The following POLD3 variants were observed in gnomAD, a reference collection of about 807,000 sequenced individuals.
POLD3 encodes DNA polymerase delta subunit 3.
A neutral mutation model predicts 58.2 loss-of-function variants in POLD3; 19 were observed. The ratio of observed to expected loss-of-function variants is 0.33; its 90% CI spans 0.23 to 0.48. The LOEUF (loss-of-function observed/expected upper bound fraction) is 0.48, where lower values mean the gene tolerates loss of function less well. POLD3 is among the 20% of genes least tolerant of loss of function. The pLI is 0.99. For missense variants in POLD3, 504 were observed against 545.5 expected, an observed-to-expected ratio of 0.92 and a Z score of 0.76; for synonymous variants, 172 against 193.5, an observed-to-expected ratio of 0.89 and a Z score of 0.92.
chr11:74,593,464 C>G (rs7939226), intron 1 of POLD3, among the ~76,000 whole-genome samples: 284 of 152,226 alleles, frequency 1.9e-3, no homozygotes, highest in African/African-American at 6.5e-3. Flanking sequence ...TGCAAGTCTT[C>G]TAACTATTGG....
At chr11:74,658,294 A>G (rs1204828011) in intron 4 of POLD3, among the ~76,000 whole-genome samples, 3 of 152,116 alleles carry the variant, frequency 2.0e-5, no homozygotes, top group African/African-American at 4.8e-5. Context: ...ACTGGCCCCC[A>G]TGATTCAATT....
In POLD3 at chr11:74,640,795, G is replaced by A; in HGVS notation, c.*29G>A. 1 of 1,540,352 alleles carries A rather than the reference G, an allele frequency of 6.5e-7. No individual in the cohort carries two copies. The highest frequency in any genetic ancestry group is 8.7e-7 in the Non-Finnish European group (1 of 1,147,972). ...GCCATCTCTGGTAGATCAGAGACTT[G>A]GAGTGGTCAAGGGAGAAGACCAAGA... On this transcript the variant is annotated 3_prime_UTR_variant, in exon 12 of 12. Transcript: ENST00000263681.
intron 9 of POLD3, among the ~76,000 whole-genome samples, chr11:74,631,985 A>G (rs1025761118): frequency 1.3e-5 from 2 of 151,978 alleles, no homozygotes; most frequent in Admixed American, 6.6e-5. Context: ...CTGTAGTACT[A>G]TATACTCTCT....
chr11:74,618,519 T>A lies in POLD3; in HGVS notation c.393-18T>A. On this transcript the variant is annotated intron_variant, in intron 5 of 11. Coordinates refer to ENST00000263681, the MANE Select transcript of POLD3 (RefSeq NM_006591.3). ...TGCATATGCTGACATTAACTTAATGTAACATTTCTGTCCCCAGATTTAGTG... is the reference window on the plus strand; with the variant it reads ...TGCATATGCTGACATTAACTTAATGAAACATTTCTGTCCCCAGATTTAGTG... 1 of 1,581,180 alleles carries A rather than the reference T, an allele frequency of 6.3e-7. No homozygotes were observed. The highest frequency in any genetic ancestry group is 8.6e-7 in the Non-Finnish European group (1 of 1,158,022).
intron 2 of POLD3, among the ~76,000 whole-genome samples, chr11:74,594,830 C>T (rs1051809481): frequency 6.6e-6 from 1 of 151,966 alleles, no homozygotes; most frequent in Non-Finnish European, 1.5e-5. Context: ...AGGGGGAAGC[C>T]CCTTGTAAAA....
intron 1 of POLD3, 26 bp from the exon 2 acceptor site, chr11:74,594,035 A>AT: frequency 6.9e-7 from 1 of 1,453,002 alleles, no homozygotes; most frequent in African/African-American, 1.4e-5. Flanking sequence ...CTAATAAAAC[A>AT]TTTGAAAAAT....
intron 7 of POLD3, among the ~76,000 whole-genome samples, chr11:74,620,924 CTTT>C (rs11307602): frequency 6.3e-5 from 9 of 143,660 alleles, no homozygotes; most frequent in African/African-American, 1.3e-4. Context: ...ATTGAAGTGA[CTTT>C]TTTTTTTTTT....
Position 74,637,709 on chromosome 11 carries a change from T to C in POLD3, c.1198+1434T>C, listed in dbSNP as rs2032790249. 3.3e-5 allele frequency among the ~76,000 whole-genome samples: 5 copies of C among 152,038 alleles called. No individual in the cohort carries two copies. The South Asian group carries it at 1.0e-3, about 32-fold the overall frequency. On this transcript the variant is annotated intron_variant, in intron 11 of 11. Coordinates refer to ENST00000263681, the MANE Select transcript of POLD3 (RefSeq NM_006591.3). ...TGTTTAAAATATAGTACTCGAGTTT[T>C]GGCCAGGTGTGTGATGTGGACTTTT...
At chr11:74,667,200 A>G (rs2033280785) in intron 4 of POLD3, among the ~76,000 whole-genome samples, 1 of 152,234 alleles carries the variant, frequency 6.6e-6, no homozygotes, top group African/African-American at 2.4e-5. Flanking sequence ...GAGATTGGTT[A>G]CACAACAATG....
At chr11:74,637,248 A>G (rs567029437) in intron 11 of POLD3, among the ~76,000 whole-genome samples, 2 of 152,130 alleles carry the variant, frequency 1.3e-5, no homozygotes, top group Non-Finnish European at 2.9e-5. Flanking sequence ...ACATTTTGTC[A>G]TCTGTGCTCC....
At chr11:74,648,594 A>G (rs2033030494) in intron 4 of POLD3, among the ~76,000 whole-genome samples, 1 of 152,208 alleles carries the variant, frequency 6.6e-6, no homozygotes, top group African/African-American at 2.4e-5. Context: ...AACAGGACAT[A>G]CAAAGGCATG....
chr11:74,658,613 G>T (rs1358126142), intron 4 of POLD3, among the ~76,000 whole-genome samples: 1 of 152,084 alleles, frequency 6.6e-6, no homozygotes, highest in Non-Finnish European at 1.5e-5. Flanking sequence ...ACAGGTATTG[G>T]GTAAATACAG....
chr11:74,596,186 CTTTT>C (rs1158780095), intron 2 of POLD3, among the ~76,000 whole-genome samples: 1 of 126,936 alleles, frequency 7.9e-6, no homozygotes, highest in Non-Finnish European at 1.7e-5. Context: ...TTTTTTTTTT[CTTTT>C]TTTTTTTTTT....
chr11:74,617,043 G>A (rs901687224), intron 5 of POLD3, among the ~76,000 whole-genome samples: 1 of 152,120 alleles, frequency 6.6e-6, no homozygotes, highest in African/African-American at 2.4e-5. Flanking sequence ...AAGACTTCAA[G>A]GAGGTCTTAC....
intron 4 of POLD3, among the ~76,000 whole-genome samples, chr11:74,662,024 G>A (rs1309133038): frequency 1.3e-5 from 2 of 152,144 alleles, no homozygotes; most frequent in African/African-American, 4.8e-5. Flanking sequence ...ACAGCCCAAG[G>A]GCTCTTCTGT....
intron 4 of POLD3, among the ~76,000 whole-genome samples, chr11:74,652,189 T>C (rs2033075828): frequency 6.6e-6 from 1 of 152,210 alleles, no homozygotes. Flanking sequence ...ATCTGCAAAT[T>C]GAATGTCTCG....
chr11:74,659,802 C>T (rs2033183059), intron 4 of POLD3, among the ~76,000 whole-genome samples: 1 of 152,150 alleles, frequency 6.6e-6, no homozygotes, highest in Non-Finnish European at 1.5e-5. Flanking sequence ...TCAGCATTTT[C>T]ATCAAAGCCA....
At chr11:74,628,148 G>C (rs1433970) in intron 8 of POLD3, among the ~76,000 whole-genome samples, 40,384 of 151,800 alleles carry the variant, frequency 0.27, 5,747 homozygotes, top group South Asian at 0.43. Flanking sequence ...GCATAAACCC[G>C]TTCATTATAT....
intron 7 of POLD3, among the ~76,000 whole-genome samples, chr11:74,621,797 G>A (rs1180486233): frequency 1.3e-5 from 2 of 152,064 alleles, no homozygotes; most frequent in African/African-American, 4.8e-5. Flanking sequence ...CAGGAGATTT[G>A]CTTGAGCCCA....
Sources: gnomAD v4.1 joint callset for allele counts (sites outside exome capture counted in the v4.1 genomes callset) on GRCh38, gnomAD v4.1.1 for gene constraint, MANE v1.5 for transcripts, NCBI Gene and HGNC (gene_info 2026-07-23, HGNC 2026-07-21) for gene names.